The following AHR variants were observed in gnomAD, a reference collection of about 807,000 sequenced individuals.
The protein encoded by AHR is aryl hydrocarbon receptor, also known as AH-receptor.
Under a neutral mutation model 86.8 loss-of-function variants are expected in AHR, and 40 were observed. The ratio of observed to expected loss-of-function variants is 0.46; its 90% CI spans 0.36 to 0.60. The LOEUF (loss-of-function observed/expected upper bound fraction) is 0.60. Among genes scored for constraint, AHR ranks in the 20% least tolerant of loss-of-function variants. The pLI is 0.00. For missense variants in AHR, 1,001 were observed against 1,011.6 expected (o/e 0.99, Z 0.14); for synonymous variants, 398 against 354.9 (o/e 1.12, Z -1.37).
In AHR at chr7:17,340,131, T is replaced by G. The variant is rs1191520561; in HGVS notation, c.2306T>G (p.Val769Gly). ...CCTCAGACATGTTATGCTGGGGCCG[T>G]GTCGATGTATCAGTGCCAGCCAGAA... is the stretch of plus-strand genomic sequence containing the variant. ...ITPQTCYAGAVSMYQCQPEPQ... is the reference protein window; with the variant it reads ...ITPQTCYAGAGSMYQCQPEPQ... The change falls in exon 10 of 11, where the codon GTG (valine) becomes GGG (glycine). Residue 769 changes from valine to glycine, a missense_variant. This residue lies in a region of AHR where 607 missense variants were observed against 543.1 expected (regional missense o/e 1.12). Coordinates refer to ENST00000242057, the MANE Select transcript of AHR (RefSeq NM_001621.5). The G allele has an allele frequency of 6.2e-7, 1 of 1,614,112 alleles. No individual in the cohort carries two copies. Among genetic ancestry groups the G allele is most frequent in the Non-Finnish European group, 8.5e-7 (1 of 1,180,054 alleles).
Position 17,334,990 on chromosome 7 carries a change from A to G in AHR, c.1012A>G (p.Ile338Val). The G allele has an allele frequency of 1.9e-6, 3 of 1,611,988 alleles. No homozygotes were observed. The highest frequency in any genetic ancestry group is 4.5e-5 in the East Asian group (2 of 44,820). ...TATGCTTTATTGTGCCGAGTCCCAT[A>G]TCCGAAGTAAGTTGTAGTTCCTTAT... The part of the protein sequence containing the change: ...ADMLYCAESH[I>V]RMIKTGESGM... The change falls in exon 8 of 11, where the codon ATC (isoleucine) becomes GTC (valine). Residue 338 changes from isoleucine (I) to valine (V), a missense_variant. Ile to Val is a conservative substitution (Grantham distance 29). Around this residue, in one of 2 missense-constraint regions of AHR, gnomAD observed 394 missense variants for 468.5 expected, o/e 0.84. Transcript: ENST00000242057.
rs1389786672 is a variant in AHR at position 17,343,724 on chromosome 7, A to G, written c.*660A>G. ...CACAAATATTATTTGTGTTTCCTAA[A>G]TCCAACCATTTTCATTAATTCAGGC... On this transcript the variant is annotated 3_prime_UTR_variant, in exon 11 of 11. Coordinates refer to ENST00000242057, the MANE Select transcript of AHR (RefSeq NM_001621.5). The G allele has an allele frequency of 6.6e-6, 1 of 152,524 alleles. No individual in the cohort carries two copies. The highest frequency in any genetic ancestry group is 1.9e-4 in the East Asian group (1 of 5,324). The allele number at this position is 152,524 out of a possible 1,614,324, so 9.4% of individuals were successfully genotyped here.
chr7:17,333,855 G>T, intron 6 of AHR, 57 bp from the exon 7 acceptor site: 1 of 1,421,962 alleles, frequency 7.0e-7, no homozygotes, highest in African/African-American at 1.4e-5. Context: ...TTTTAAAAAG[G>T]CACTATTTTA....
rs916164704 is a variant in AHR at position 17,345,325 on chromosome 7, A to C, written c.*2261A>C. 1.3e-5 allele frequency: 2 copies of C among 152,538 alleles called. No homozygotes were observed. Among genetic ancestry groups the C allele is most frequent in the Non-Finnish European group, 2.9e-5 (2 of 68,008 alleles). The allele number at this position is 152,538 out of a possible 1,614,324, so 9.4% of individuals were successfully genotyped here. A position where few individuals can be genotyped will look rare whatever the true frequency, so the allele number is the denominator to read the frequency against. On this transcript the variant is annotated 3_prime_UTR_variant, in exon 11 of 11. Transcript: ENST00000242057. ...AGACTCCGTCTCCAAAAAAAAAAAAAATACAATTTTTATTTCTTTTACTTT... is the reference window on the plus strand; with the variant it reads ...AGACTCCGTCTCCAAAAAAAAAAAACATACAATTTTTATTTCTTTTACTTT...
chr7:17,305,393 A>G (rs1562473592), intron 1 of AHR, among the ~76,000 whole-genome samples: 1 of 152,170 alleles, frequency 6.6e-6, no homozygotes, highest in Non-Finnish European at 1.5e-5. Context: ...AATGGGGTTA[A>G]GAGTTGGGCT....
chr7:17,316,091 C>T (rs545895521), intron 2 of AHR, among the ~76,000 whole-genome samples: 1 of 152,210 alleles, frequency 6.6e-6, no homozygotes, highest in African/African-American at 2.4e-5. Context: ...ATAGAGTTGA[C>T]TTAAGATACT....
chr7:17,338,107 G>C (rs1282910397), intron 9 of AHR, among the ~76,000 whole-genome samples: 1 of 150,538 alleles, frequency 6.6e-6, no homozygotes, highest in African/African-American at 2.4e-5. Context: ...GCTGAGGCAG[G>C]AGAATGGCGT....
intron 9 of AHR, among the ~76,000 whole-genome samples, chr7:17,336,298 G>A (rs752397809): frequency 6.6e-6 from 1 of 152,006 alleles, no homozygotes; most frequent in African/African-American, 2.4e-5. Flanking sequence ...ATGATTTACC[G>A]AGAAGGTCAT....
At chr7:17,302,810 A>ATATAT (rs1554265199) in intron 1 of AHR, among the ~76,000 whole-genome samples, 10 of 149,860 alleles carry the variant, frequency 6.7e-5, no homozygotes, top group African/African-American at 2.4e-4. Flanking sequence ...ACAAAAAAAA[A>ATATAT]ATATATATAT....
intron 3 of AHR, among the ~76,000 whole-genome samples, chr7:17,325,536 A>G (rs539477656): frequency 1.3e-5 from 2 of 152,352 alleles, no homozygotes; most frequent in South Asian, 4.1e-4. Context: ...GTCATTAACT[A>G]TTCAAGTTCT....
In AHR at chr7:17,330,905, T is replaced by C. The variant is rs761395061; in HGVS notation, c.705+19T>C. ...TTTTCTGGTAAGGTACAAAATTTTA[T>C]GATACTGGCTTTTACTATTGTTACA... On this transcript the variant is annotated intron_variant, in intron 6 of 10. Coordinates refer to ENST00000242057, the MANE Select transcript of AHR (RefSeq NM_001621.5). The C allele has an allele frequency of 4.4e-6, 7 of 1,607,284 alleles. No individual in the cohort carries two copies. Among genetic ancestry groups the C allele is most frequent in the Non-Finnish European group, 5.9e-6 (7 of 1,176,690 alleles).
chr7:17,328,789 C>G (rs903814700), intron 4 of AHR, among the ~76,000 whole-genome samples: 1 of 151,846 alleles, frequency 6.6e-6, no homozygotes, highest in African/African-American at 2.4e-5. Flanking sequence ...GTTTCAGATG[C>G]AACTTTTGGA....
intron 5 of AHR, 147 bp from the exon 6 acceptor site, chr7:17,330,609 T>A: frequency 1.6e-6 from 1 of 630,788 alleles, no homozygotes; most frequent in Non-Finnish European, 2.3e-6. Flanking sequence ...AAACTTTTAG[T>A]TTCTTGTCAT....
intron 8 of AHR, among the ~76,000 whole-genome samples, chr7:17,335,250 T>A (rs927018964): frequency 6.6e-6 from 1 of 152,108 alleles, no homozygotes; most frequent in Non-Finnish European, 1.5e-5. Flanking sequence ...GGGAATTTTT[T>A]AATTACATCG....
chr7:17,309,801 GACTT>G, intron 1 of AHR, 131 bp from the exon 2 acceptor site: 1 of 697,266 alleles, frequency 1.4e-6, no homozygotes, highest in Non-Finnish European at 2.2e-6. Flanking sequence ...ATTTTAGAAA[GACTT>G]ACGTAAACTT....
intron 2 of AHR, 51 bp downstream of exon 2, chr7:17,310,174 T>G (rs1361466409): frequency 6.7e-7 from 1 of 1,503,528 alleles, no homozygotes; most frequent in East Asian, 2.3e-5. Flanking sequence ...AAAATACTTG[T>G]ACTAGATATA....
Position 17,302,618 on chromosome 7 carries a change from A to C in AHR, c.65+3289A>C, listed in dbSNP as rs1245642860. Among the ~76,000 whole-genome samples, 4 of 151,930 alleles carry C rather than the reference A, an allele frequency of 2.6e-5. No individual in the cohort carries two copies. In the East Asian group the frequency reaches 5.8e-4, roughly 22 times the overall value. The stretch of plus-strand genomic sequence containing the variant: ...TTAGAACTATGAAATGAAGTAAGTG[A>C]AAGTGTTTAGTTATAGGTAACATTA... On this transcript the variant is annotated intron_variant, in intron 1 of 10. Transcript: ENST00000242057.
At chr7:17,338,909 T>C (rs1313213828) in intron 9 of AHR, 77 bp from the exon 10 acceptor site, 4 of 1,354,328 alleles carry the variant, frequency 3.0e-6, no homozygotes, top group Non-Finnish European at 4.0e-6. Flanking sequence ...TGCTTTATGT[T>C]TTTCTTTTTT....
intron 2 of AHR, among the ~76,000 whole-genome samples, chr7:17,312,502 ATG>A (rs1233773671): frequency 1.3e-5 from 2 of 152,206 alleles, no homozygotes; most frequent in South Asian, 2.1e-4. Flanking sequence ...TTATGTGTGT[ATG>A]TGTGTTCATG....
Sources: gnomAD v4.1 joint callset for allele counts (sites outside exome capture counted in the v4.1 genomes callset) on GRCh38, gnomAD v4.1.1 for gene constraint, gnomAD v4.1.1 regional missense constraint, MANE v1.5 for transcripts, NCBI Gene and HGNC (gene_info 2026-07-23, HGNC 2026-07-21) for gene names.